The following FRAS1 variants were observed in gnomAD, a reference collection of about 807,000 sequenced individuals.
FRAS1 encodes the protein Fraser extracellular matrix complex subunit 1.
FRAS1 carries 290 observed loss-of-function variants against 435.2 expected under a neutral mutation model. The ratio of observed to expected loss-of-function variants is 0.67; its 90% CI spans 0.61 to 0.73. FRAS1 has a LOEUF of 0.73. Ranked by LOEUF, FRAS1 falls within the 30% of genes least tolerant of loss-of-function variation. The pLI, the probability that FRAS1 is intolerant of heterozygous loss-of-function variation, is 0.00. For synonymous variants in FRAS1, 1,800 were observed against 1,851.0 expected (o/e 0.97, Z 0.71); for missense variants, 4,860 against 5,001.5 (o/e 0.97, Z 0.85).
In FRAS1 at chr4:78,508,851, T is replaced by A. The variant is rs762717146; in HGVS notation, c.9625T>A (p.Tyr3209Asn). 2 of 1,613,864 alleles carry A rather than the reference T, an allele frequency of 1.2e-6. No homozygotes were observed. The highest frequency in any genetic ancestry group is 1.1e-5 in the South Asian group (1 of 91,058). Reference protein sequence around the residue: ...VTPCDPHFPRYAVMKERCSEA... With the variant: ...VTPCDPHFPRNAVMKERCSEA... ...CCCCTGCGACCCTCATTTCCCCAGA[T>A]ACGCTGTCATGAAGGAGCGCTGCAG... The change falls in exon 63 of 74, where the codon TAC (tyrosine) becomes AAC (asparagine). Residue 3209 changes from tyrosine to asparagine, a missense_variant. Physicochemically the swap from Tyr to Asn is moderately radical, Grantham distance 143 (BLOSUM62 -2). Transcript: ENST00000512123.
At chr4:78,492,384 A>T (rs576381163) in intron 59 of FRAS1, among the ~76,000 whole-genome samples, 20 of 152,334 alleles carry the variant, frequency 1.3e-4, no homozygotes, top group African/African-American at 4.8e-4. Flanking sequence ...ACACTACCTG[A>T]CTTCAAACTA....
chr4:78,113,842 A>G (rs895054176), intron 2 of FRAS1, among the ~76,000 whole-genome samples: 13 of 152,142 alleles, frequency 8.5e-5, no homozygotes, highest in Admixed American at 5.2e-4. Flanking sequence ...ATGAGATCCC[A>G]TTTGTCAATT....
At chr4:78,419,208 G>A (rs572954636) in intron 33 of FRAS1, 145 bp downstream of exon 33, 10 of 533,990 alleles carry the variant, frequency 1.9e-5, no homozygotes, top group African/African-American at 4.0e-5. Flanking sequence ...CATATTTCTC[G>A]CTCCTGTCTT....
In FRAS1 at chr4:78,438,588, C is replaced by A; in HGVS notation, c.5236C>A (p.Pro1746Thr). 6.2e-7 allele frequency: 1 copy of A among 1,613,836 alleles called. No homozygotes were observed. Among genetic ancestry groups the A allele is most frequent in the South Asian group, 1.1e-5 (1 of 91,026 alleles). The change falls in exon 39 of 74, where the codon CCA becomes ACA. Residue 1746 changes from proline (P) to threonine (T), a missense_variant. Transcript: ENST00000512123. ...TCATTAGGATGATTCTTCCCCCGAC[C>A]CAGAGATCTGGATTCAGTTAAATTA... ...LAYVDDSSPD[P>T]EIWIQLNYLP...
chr4:78,417,675 G>A (rs1243975032), intron 32 of FRAS1, among the ~76,000 whole-genome samples: 1 of 152,132 alleles, frequency 6.6e-6, no homozygotes, highest in African/African-American at 2.4e-5. Flanking sequence ...CTCTCCCCAG[G>A]ACAAATACGC....
intron 42 of FRAS1, 137 bp from the exon 43 acceptor site, chr4:78,446,590 G>A: frequency 7.1e-7 from 1 of 1,400,238 alleles, no homozygotes. Flanking sequence ...TATTTTGCTT[G>A]GGAAGTAAAG....
At chr4:78,445,755 A>C in intron 42 of FRAS1, 43 bp downstream of exon 42, 1 of 1,611,648 alleles carries the variant, frequency 6.2e-7, no homozygotes, top group Non-Finnish European at 8.5e-7. Flanking sequence ...CTTGACCACA[A>C]TATTTCACAC....
At chr4:78,289,417 T>C (rs1477440408) in intron 14 of FRAS1, among the ~76,000 whole-genome samples, 2 of 152,320 alleles carry the variant, frequency 1.3e-5, no homozygotes, top group East Asian at 3.9e-4. Context: ...TTCCCCTGCC[T>C]TTACAACTCC....
intron 2 of FRAS1, among the ~76,000 whole-genome samples, chr4:78,195,532 G>C (rs1722764009): frequency 6.6e-6 from 1 of 152,246 alleles, no homozygotes; most frequent in Non-Finnish European, 1.5e-5. Flanking sequence ...TGCTGTGCTA[G>C]CAATGAGCAA....
At chr4:78,097,717 C>A (rs1741882298) in intron 2 of FRAS1, among the ~76,000 whole-genome samples, 1 of 152,180 alleles carries the variant, frequency 6.6e-6, no homozygotes, top group Admixed American at 6.5e-5. Flanking sequence ...CACTGGGTGC[C>A]TCCCACAACA....
intron 3 of FRAS1, among the ~76,000 whole-genome samples, chr4:78,237,851 C>A (rs1056286676): frequency 6.6e-6 from 1 of 152,130 alleles, no homozygotes; most frequent in African/African-American, 2.4e-5. Flanking sequence ...TTACTCTGGA[C>A]CAGGGACTTG....
At chr4:78,363,080 G>A (rs1221838322) in intron 20 of FRAS1, among the ~76,000 whole-genome samples, 4 of 152,192 alleles carry the variant, frequency 2.6e-5, no homozygotes, top group African/African-American at 4.8e-5. Flanking sequence ...GGACTCACCC[G>A]CCCTGTCCAC....
rs764444954 is a variant in FRAS1, at chr4:78,308,124, C to T, written c.1593C>T (p.Cys531=). 17 of 1,613,814 alleles carry T rather than the reference C, an allele frequency of 1.1e-5. No homozygotes were observed. The highest frequency in any genetic ancestry group is 1.0e-4 in the Admixed American group (6 of 60,010). ...CAACGGAGAAGCACTGCTTGGCCTG[C>T]AGAGATCCCCTCCACGTGCTGAGAG... ...WGPTEKHCLA[C]RDPLHVLRDG... The change falls in exon 15 of 74, where the codon TGC becomes TGT. Residue 531 remains cysteine (C), a synonymous_variant. Transcript: ENST00000512123.
chr4:78,278,502 C>G (rs1560623023), intron 9 of FRAS1, among the ~76,000 whole-genome samples, 153 bp from the exon 10 acceptor site: 1 of 152,124 alleles, frequency 6.6e-6, no homozygotes, highest in Admixed American at 6.5e-5. Context: ...TATTGGAAGA[C>G]AGGACAGGGG....
At chr4:78,096,844 A>G (rs1311997952) in intron 2 of FRAS1, among the ~76,000 whole-genome samples, 1 of 152,226 alleles carries the variant, frequency 6.6e-6, no homozygotes, top group Non-Finnish European at 1.5e-5. Flanking sequence ...CCCTGGAGAC[A>G]TCTTCCCCAT....
chr4:78,431,218 C>G (rs1037744014), intron 37 of FRAS1, among the ~76,000 whole-genome samples: 1 of 152,116 alleles, frequency 6.6e-6, no homozygotes, highest in East Asian at 1.9e-4. Context: ...AAAGAACAAC[C>G]AGTAAGCATT....
At chr4:78,093,899 A>G (rs1002987534) in intron 2 of FRAS1, among the ~76,000 whole-genome samples, 1 of 152,094 alleles carries the variant, frequency 6.6e-6, no homozygotes, top group African/African-American at 2.4e-5. Flanking sequence ...GTTTTAATAG[A>G]TTCTATATTA....
intron 2 of FRAS1, among the ~76,000 whole-genome samples, chr4:78,148,510 G>A (rs1004319451): frequency 4.6e-5 from 7 of 152,294 alleles, no homozygotes; most frequent in African/African-American, 1.7e-4. Flanking sequence ...TTGAAATTAT[G>A]TAAGAAAATT....
chr4:78,303,465 C>A (rs184343185), intron 14 of FRAS1, among the ~76,000 whole-genome samples: 13 of 152,106 alleles, frequency 8.5e-5, no homozygotes, highest in African/African-American at 2.9e-4. Flanking sequence ...GCTATTTTCA[C>A]GATATTGATT....
Sources: gnomAD v4.1 joint callset for allele counts (sites outside exome capture counted in the v4.1 genomes callset) on GRCh38, gnomAD v4.1.1 for gene constraint, MANE v1.5 for transcripts, NCBI Gene and HGNC (gene_info 2026-07-23, HGNC 2026-07-21) for gene names.